RNF6: variants seen among roughly 807,000 people sequenced by gnomAD.
The protein encoded by RNF6 is ring finger protein 6.
RNF6 carries 21 observed loss-of-function variants against 50.1 expected under a neutral mutation model. The observed-to-expected ratio is 0.42, with a 90% confidence interval of 0.30 to 0.60. The LOEUF is 0.60. Ranked by LOEUF, RNF6 falls within the 20% of genes least tolerant of loss-of-function variation. RNF6 has a pLI of 0.20. For missense variants in RNF6, 698 were observed against 838.2 expected, an observed-to-expected ratio of 0.83 and a Z score of 2.07; for synonymous variants, 255 against 291.8, an observed-to-expected ratio of 0.87 and a Z score of 1.29.
rs565563618 is a variant in RNF6 at position 26,195,294 on chromosome 13, G to A, written n.768+20180C>T. The stretch of plus-strand genomic sequence containing the variant: ...GGGGCGGCTTATTAGTAGACTGGAC[G>A]CAGCTAAGGAAAGAATTCTGAGTTT... On this transcript the variant is annotated intron_variant and non_coding_transcript_variant, in intron 5 of 5. Transcript: ENST00000468480. 1.1e-3 allele frequency among the ~76,000 whole-genome samples: 162 copies of A among 152,090 alleles called. 1 individual carries two copies. The highest frequency in any genetic ancestry group is 1.9e-3 in the Non-Finnish European group (132 of 68,022).
chr13:26,219,713 C>G, intron 2 of RNF6, 46 bp from the exon 3 acceptor site: 1 of 1,485,160 alleles, frequency 6.7e-7, no homozygotes, highest in Non-Finnish European at 9.1e-7. Context: ...AGTCATGGAC[C>G]ACATTTGGCT....
chr13:26,151,481 T>G (rs567717403), intron 5 of RNF6, among the ~76,000 whole-genome samples: 1 of 152,312 alleles, frequency 6.6e-6, no homozygotes, highest in African/African-American at 2.4e-5. Context: ...CAGGCTGGTC[T>G]CAAACTCCTG....
chr13:26,180,376 C>T (rs1436185628), intron 5 of RNF6, among the ~76,000 whole-genome samples: 1 of 152,132 alleles, frequency 6.6e-6, no homozygotes, highest in Admixed American at 6.6e-5. Context: ...TAGAGGGTCA[C>T]CTTTCACAAA....
chr13:26,189,282 C>G (rs935591195), intron 5 of RNF6, among the ~76,000 whole-genome samples: 1 of 151,874 alleles, frequency 6.6e-6, no homozygotes, highest in Non-Finnish European at 1.5e-5. Flanking sequence ...GAGCCAAGGT[C>G]ATGCCACTGC....
intron 5 of RNF6, among the ~76,000 whole-genome samples, chr13:26,139,327 C>T (rs544572119): frequency 6.6e-6 from 1 of 152,302 alleles, no homozygotes; most frequent in East Asian, 1.9e-4. Flanking sequence ...TCTGCCCTGC[C>T]TTGCCTTTTT....
intron 5 of RNF6, chr13:26,149,174 G>GT (rs1230674214): frequency 1.3e-5 from 2 of 152,068 alleles, no homozygotes; most frequent in African/African-American, 4.8e-5. Context: ...TACCTTTTGT[G>GT]TTTTTTAACT....
chr13:26,188,840 G>A (rs1235337234), intron 5 of RNF6, among the ~76,000 whole-genome samples: 1 of 151,644 alleles, frequency 6.6e-6, no homozygotes, highest in Admixed American at 6.6e-5. Flanking sequence ...ATGTTGGCCA[G>A]GATGGTCTCA....
intron 1 of RNF6, 175 bp downstream of exon 1, chr13:26,221,828 T>G (rs975729777): frequency 2.6e-5 from 4 of 152,254 alleles, no homozygotes; most frequent in African/African-American, 7.2e-5. Flanking sequence ...GAGACCTAGA[T>G]TCTCACAAGG....
At chr13:26,144,102 G>C (rs1373222767) in intron 5 of RNF6, among the ~76,000 whole-genome samples, 2 of 151,874 alleles carry the variant, frequency 1.3e-5, no homozygotes, top group Non-Finnish European at 2.9e-5. Flanking sequence ...GCTCAGTGCT[G>C]GTCTCTGCTG....
intron 5 of RNF6, among the ~76,000 whole-genome samples, chr13:26,171,895 G>T (rs1872711092): frequency 6.6e-6 from 1 of 152,182 alleles, no homozygotes; most frequent in Admixed American, 6.5e-5. Context: ...AAGTTATCGG[G>T]GCTAGGGGAA....
intron 5 of RNF6, among the ~76,000 whole-genome samples, chr13:26,196,700 A>G (rs1160606763): frequency 6.6e-6 from 1 of 151,502 alleles, no homozygotes; most frequent in Non-Finnish European, 1.5e-5. Context: ...AGAATCTGCC[A>G]CTAGTAGTTC....
chr13:26,169,454 C>A (rs191008874), intron 5 of RNF6, among the ~76,000 whole-genome samples: 1 of 152,320 alleles, frequency 6.6e-6, no homozygotes. Context: ...GTCCCCTCAG[C>A]TTGGCTTAAC....
intron 2 of RNF6, among the ~76,000 whole-genome samples, chr13:26,220,624 C>T (rs1870379555): frequency 6.6e-6 from 1 of 152,170 alleles, no homozygotes; most frequent in Non-Finnish European, 1.5e-5. Flanking sequence ...CATCCCCAAT[C>T]CTTGATTAGA....
chr13:26,186,360 C>A (rs1464832399), intron 5 of RNF6, among the ~76,000 whole-genome samples: 1 of 152,252 alleles, frequency 6.6e-6, no homozygotes, highest in Non-Finnish European at 1.5e-5. Flanking sequence ...GTGTGTAAGA[C>A]CGCGTTTCTC....
chr13:26,207,706 T>A (rs1175955009), intron 5 of RNF6, among the ~76,000 whole-genome samples: 1 of 152,178 alleles, frequency 6.6e-6, no homozygotes, highest in East Asian at 1.9e-4. Flanking sequence ...TCTGACAACA[T>A]CCTAAACTGA....
intron 5 of RNF6, among the ~76,000 whole-genome samples, chr13:26,178,591 CGTGTGTGTGT>C (rs3981342): frequency 0.018 from 1,794 of 100,310 alleles, 29 homozygotes; most frequent in African/African-American, 0.048. Flanking sequence ...CTGCCTGGTC[CGTGTGTGTGT>C]GTGTGTGTGT....
chr13:26,166,395 G>A (rs752260796), intron 5 of RNF6, among the ~76,000 whole-genome samples: 1 of 152,174 alleles, frequency 6.6e-6, no homozygotes, highest in African/African-American at 2.4e-5. Flanking sequence ...ATCCAAAGAG[G>A]AAGAGAGGAA....
intron 5 of RNF6, among the ~76,000 whole-genome samples, chr13:26,203,687 C>T (rs4630391): frequency 0.2 from 29,927 of 152,238 alleles, 3,452 homozygotes; most frequent in East Asian, 0.4. Context: ...GCAGGCTGGG[C>T]GCAGTGGCTC....
At chr13:26,144,511 G>A (rs1196083007) in intron 5 of RNF6, among the ~76,000 whole-genome samples, 1 of 151,948 alleles carries the variant, frequency 6.6e-6, no homozygotes, top group African/African-American at 2.4e-5. Context: ...TATAGTCCAT[G>A]AGTCAGTATA....
Sources: allele counts gnomAD v4.1 joint callset (sites outside exome capture counted in the v4.1 genomes callset), GRCh38; gene constraint gnomAD v4.1.1; transcripts MANE v1.5; gene names NCBI Gene and HGNC (gene_info 2026-07-23, HGNC 2026-07-21).